The following KAZN variants were observed in gnomAD, a reference collection of about 807,000 sequenced individuals.
KAZN encodes the protein kazrin, periplakin interacting protein.
In KAZN, 40 loss-of-function variants were observed where a neutral mutation model predicts 87.4. The ratio of observed to expected loss-of-function variants is 0.46; its 90% CI spans 0.36 to 0.60. The LOEUF (loss-of-function observed/expected upper bound fraction) is 0.60, where lower values mean the gene tolerates loss of function less well. KAZN is among the 20% of genes least tolerant of loss of function. The pLI is 0.00. For missense variants in KAZN, 898 were observed against 1,073.9 expected (o/e 0.84, Z 2.29); for synonymous variants, 466 against 458.3 (o/e 1.02, Z -0.22).
chr1:14,123,129 C>T (rs1644787507), intron 1 of KAZN, among the ~76,000 whole-genome samples: 1 of 152,214 alleles, frequency 6.6e-6, no homozygotes, highest in Non-Finnish European at 1.5e-5. Context: ...CTTGGGCAGC[C>T]AGAGTCTCTT....
intron 1 of KAZN, among the ~76,000 whole-genome samples, chr1:14,739,989 G>T (rs144772093): frequency 1.8e-3 from 271 of 152,252 alleles, no homozygotes; most frequent in African/African-American, 6.3e-3. Context: ...CATTTGCTGA[G>T]CAGTTGAGAA....
At chr1:14,689,234 CAAAACAG>C (rs1379331273) in intron 1 of KAZN, among the ~76,000 whole-genome samples, 1 of 148,276 alleles carries the variant, frequency 6.7e-6, no homozygotes, top group Non-Finnish European at 1.5e-5. Context: ...CAAAACAAAA[CAAAACAG>C]AGTTGATTGG....
chr1:14,980,947 G>A (rs1666187031), intron 2 of KAZN, among the ~76,000 whole-genome samples: 2 of 152,274 alleles, frequency 1.3e-5, no homozygotes, highest in Admixed American at 6.5e-5. Flanking sequence ...GCAAGAGCAT[G>A]TGACGCCCTG....
chr1:14,188,197 G>A (rs1010538215), intron 2 of KAZN, among the ~76,000 whole-genome samples: 119 of 41,496 alleles, frequency 2.9e-3, no homozygotes, highest in African/African-American at 6.2e-3. Flanking sequence ...AGAGGAGCGT[G>A]TGTGTGTGTG....
chr1:13,902,164 G>T (rs1244928266), intron 1 of KAZN, among the ~76,000 whole-genome samples: 1 of 152,250 alleles, frequency 6.6e-6, no homozygotes, highest in East Asian at 1.9e-4. Flanking sequence ...GATAATGGGG[G>T]CTGTTTTTGA....
At chr1:15,016,873 G>C (rs1410686652) in intron 2 of KAZN, among the ~76,000 whole-genome samples, 1 of 152,108 alleles carries the variant, frequency 6.6e-6, no homozygotes, top group African/African-American at 2.4e-5. Flanking sequence ...GGCGGCCCAG[G>C]ATTCTGTTTG....
chr1:14,583,990 C>T (rs1182222866), intron 2 of KAZN, among the ~76,000 whole-genome samples: 1 of 152,196 alleles, frequency 6.6e-6, no homozygotes, highest in African/African-American at 2.4e-5. Context: ...CTCCAAGTCC[C>T]CGCCCAGGCT....
intron 1 of KAZN, among the ~76,000 whole-genome samples, chr1:14,070,860 T>C (rs558303132): frequency 3.9e-5 from 6 of 152,266 alleles, no homozygotes; most frequent in African/African-American, 1.2e-4. Flanking sequence ...GACCATGCCT[T>C]ATCTGAATGT....
intron 2 of KAZN, among the ~76,000 whole-genome samples, chr1:14,386,892 A>G (rs532364777): frequency 1.3e-5 from 2 of 152,286 alleles, no homozygotes; most frequent in African/African-American, 2.4e-5. Flanking sequence ...TCCCCTGGAT[A>G]ATATCCTGCA....
At chr1:13,979,663 A>T (rs4662066) in intron 1 of KAZN, among the ~76,000 whole-genome samples, 2 of 152,250 alleles carry the variant, frequency 1.3e-5, no homozygotes, top group African/African-American at 2.4e-5. Context: ...GTGTGATGGC[A>T]CACGCCTGTA....
chr1:14,216,731 C>T (rs755162179), intron 2 of KAZN, among the ~76,000 whole-genome samples: 20 of 151,980 alleles, frequency 1.3e-4, no homozygotes, highest in African/African-American at 1.7e-4. Context: ...GGCAAAACCC[C>T]GTCTCTACTA....
chr1:14,772,982 C>A (rs564875915), intron 1 of KAZN, among the ~76,000 whole-genome samples: 1 of 152,170 alleles, frequency 6.6e-6, no homozygotes, highest in Non-Finnish European at 1.5e-5. Context: ...CATCTCTCTT[C>A]CATGGTTCCC....
chr1:14,315,836 T>G (rs1312207722), intron 2 of KAZN, among the ~76,000 whole-genome samples: 3 of 152,092 alleles, frequency 2.0e-5, no homozygotes, highest in African/African-American at 7.2e-5. Context: ...ATTTATGGCT[T>G]CTATGAATAA....
chr1:13,899,403 T>C (rs1428208247), intron 1 of KAZN, among the ~76,000 whole-genome samples: 1 of 152,216 alleles, frequency 6.6e-6, no homozygotes, highest in Non-Finnish European at 1.5e-5. Context: ...CATCTGGATC[T>C]GAAGTCCCTA....
In KAZN at chr1:14,893,227, G is replaced by A. The variant is rs189410335; in HGVS notation, c.227-67457G>A. Among the ~76,000 whole-genome samples the A allele has an allele frequency of 3.7e-4, 56 of 152,268 alleles. No individual in the cohort carries two copies. In the East Asian group the frequency reaches 6.4e-3, roughly 17 times the overall value. ...CTAAAAATGCGAAATGTAGCTGGGC[G>A]TGGTGGCTCGTGCCTGTAATCCCAG... On this transcript the variant is annotated intron_variant, in intron 1 of 14. Coordinates refer to ENST00000376030, the MANE Select transcript of KAZN (RefSeq NM_201628.3).
intron 1 of KAZN, among the ~76,000 whole-genome samples, chr1:14,761,074 C>T (rs59377970): frequency 0.057 from 8,626 of 152,218 alleles, 291 homozygotes; most frequent in East Asian, 0.16. Flanking sequence ...TGGGGAGGAC[C>T]CTGCCTCCCT....
At chr1:13,968,271 G>A (rs1191426413) in intron 1 of KAZN, among the ~76,000 whole-genome samples, 2 of 152,094 alleles carry the variant, frequency 1.3e-5, no homozygotes, top group Non-Finnish European at 2.9e-5. Flanking sequence ...CAACTGAAAG[G>A]GTGATTTAAA....
chr1:14,450,855 T>C (rs765004360), intron 2 of KAZN, among the ~76,000 whole-genome samples: 23 of 152,024 alleles, frequency 1.5e-4, no homozygotes, highest in Non-Finnish European at 2.4e-4. Flanking sequence ...TCCACAGTGT[T>C]GGAGGTGGGG....
intron 1 of KAZN, among the ~76,000 whole-genome samples, chr1:14,605,493 A>G (rs1223718604): frequency 6.6e-6 from 1 of 152,256 alleles, no homozygotes; most frequent in East Asian, 1.9e-4. Flanking sequence ...AACAGATAAC[A>G]TAAGCAGTTG....
Sources: gnomAD v4.1 joint callset for allele counts (sites outside exome capture counted in the v4.1 genomes callset) on GRCh38, gnomAD v4.1.1 for gene constraint, MANE v1.5 for transcripts, NCBI Gene and HGNC (gene_info 2026-07-23, HGNC 2026-07-21) for gene names.